Variants in MBD3 observed in about 807,000 individuals in gnomAD.
MBD3 encodes the protein methyl-CpG binding domain protein 3, also known as methyl-CpG-binding domain protein 3.
In MBD3, 13 loss-of-function variants were observed where a neutral mutation model predicts 31.2. The observed-to-expected ratio is 0.42, with a 90% CI of 0.27 to 0.66. The LOEUF (loss-of-function observed/expected upper bound fraction) is 0.66. Among genes scored for constraint, MBD3 ranks in the 30% least tolerant of loss-of-function variants. MBD3 has a pLI of 0.26. For synonymous variants in MBD3, 223 were observed against 187.4 expected, an observed-to-expected ratio of 1.19 and a Z score of -1.55; for missense variants, 440 against 426.5, an observed-to-expected ratio of 1.03 and a Z score of -0.28.
Position 1,582,687 on chromosome 19 carries a change from C to G in MBD3, c.434G>C (p.Gly145Ala). Residue 145 changes from glycine to alanine, a missense_variant, in exon 4 of 7, where the codon GGC (glycine) becomes GCC (alanine). By Grantham distance (60) the Gly-to-Ala change is moderately conservative. Coordinates refer to ENST00000434436, the MANE Select transcript of MBD3 (RefSeq NM_001281453.2). ...RQLFWEKKLS[G>A]LNAFDIAEEL... ...CTCAGCAATGTCGAAGGCGTTCAGG[C>G]CGCTCAGCTTCTTCTCCCAGAAGAG... 6.2e-7 allele frequency: 1 copy of G among 1,613,964 alleles called. No individual in the cohort carries two copies. Among genetic ancestry groups the G allele is most frequent in the Non-Finnish European group, 8.5e-7 (1 of 1,179,976 alleles).
intron 1 of MBD3, among the ~76,000 whole-genome samples, chr19:1,587,883 C>T (rs1272046910): frequency 1.3e-5 from 2 of 151,826 alleles, no homozygotes; most frequent in African/African-American, 4.8e-5. Flanking sequence ...CCCGTTTTCC[C>T]AGAATCCTCT....
At position 1,575,036 on chromosome 19, in the gene MBD3, G is replaced by C; in HGVS notation, c.*3128C>G. The C allele has an allele frequency of 2.8e-6, 1 of 361,526 alleles. No individual in the cohort carries two copies. Among genetic ancestry groups the C allele is most frequent in the Non-Finnish European group, 5.6e-6 (1 of 177,988 alleles). The allele number at this position is 361,526 out of a possible 1,614,324, so 22.4% of individuals were successfully genotyped here. ...CTGGGAGGTGCATCCTCGCCACGGG[G>C]GTCCTGAGCCTCTCCTCCCTGGTAC... On this transcript the variant is annotated 3_prime_UTR_variant, in exon 7 of 7. Coordinates refer to ENST00000434436, the MANE Select transcript of MBD3 (RefSeq NM_001281453.2).
Position 1,589,522 on chromosome 19 carries a change from G to A in MBD3, c.110+3000C>T, listed in dbSNP as rs1005277345. Among the ~76,000 whole-genome samples, 8 of 151,532 alleles carry A rather than the reference G, an allele frequency of 5.3e-5. No homozygotes were observed. The South Asian group carries it at 1.7e-3, about 32-fold the overall frequency. On this transcript the variant is annotated intron_variant, in intron 1 of 6. Coordinates refer to ENST00000434436, the MANE Select transcript of MBD3 (RefSeq NM_001281453.2). ...ATAAAAATTAGCTGGGGGTTGTGGT[G>A]GGGGCCTGTAATCCCAGCTACTCAG...
intron 5 of MBD3, among the ~76,000 whole-genome samples, chr19:1,580,685 G>A (rs1169913746): frequency 6.6e-6 from 1 of 152,182 alleles, no homozygotes; most frequent in Non-Finnish European, 1.5e-5. Context: ...CTGAGCGGCC[G>A]TGTTCCCTGC....
rs569490853 is a variant in MBD3, at chr19:1,584,935, C to T, written c.270+120G>A. 2.7e-5 allele frequency: 37 copies of T among 1,395,588 alleles called. 1 individual carries two copies. Among genetic ancestry groups the T allele is most frequent in the Middle Eastern group, 2.4e-4 (1 of 4,144 alleles). 86.5% of individuals were successfully genotyped at this position (1,395,588 alleles called of 1,614,324 possible). A position where few individuals can be genotyped will look rare whatever the true frequency, so the allele number is the denominator to read the frequency against. ...CCTGCGCCTTCCGCTCTGTGCCCTC[C>T]GCCCGCTGTGACCTCCTGCGCTCAG... On this transcript the variant is annotated intron_variant, in intron 2 of 6. Transcript: ENST00000434436.
At chr19:1,590,864 C>T (rs2060700336) in intron 1 of MBD3, among the ~76,000 whole-genome samples, 1 of 152,160 alleles carries the variant, frequency 6.6e-6, no homozygotes, top group Non-Finnish European at 1.5e-5. Flanking sequence ...GGCCCCAGAC[C>T]TGCAGAGGGC....
At chr19:1,579,452 C>T (rs1917297674) in intron 5 of MBD3, among the ~76,000 whole-genome samples, 1 of 152,136 alleles carries the variant, frequency 6.6e-6, no homozygotes, top group African/African-American at 2.4e-5. Flanking sequence ...CTGCCGCCTC[C>T]GGGGCCGCAG....
chr19:1,574,239 A>C lies in MBD3; in HGVS notation c.*3925T>G, dbSNP rs2145584288. ...CGTGAACCCAGGAGGCAGAGCTTGCAGTGAGCAGAGATCACACCATTGCAC... is the reference window on the plus strand; with the variant it reads ...CGTGAACCCAGGAGGCAGAGCTTGCCGTGAGCAGAGATCACACCATTGCAC... On this transcript the variant is annotated 3_prime_UTR_variant, in exon 7 of 7. Coordinates refer to ENST00000434436, the MANE Select transcript of MBD3 (RefSeq NM_001281453.2). 6.7e-6 allele frequency: 1 copy of C among 149,964 alleles called. No homozygotes were observed. Among genetic ancestry groups the C allele is most frequent in the Non-Finnish European group, 1.5e-5 (1 of 67,454 alleles). The allele number at this position is 149,964 out of a possible 1,614,324, so 9.3% of individuals were successfully genotyped here. A position where few individuals can be genotyped will look rare whatever the true frequency, so the allele number is the denominator to read the frequency against.
In MBD3 at chr19:1,584,748, C is replaced by T. The variant is rs1163774421; in HGVS notation, c.271-71G>A. The T allele has an allele frequency of 2.3e-5, 34 of 1,484,102 alleles. 1 individual carries two copies. Among genetic ancestry groups the T allele is most frequent in the Middle Eastern group, 2.1e-4 (1 of 4,712 alleles). 91.9% of individuals were successfully genotyped at this position (1,484,102 alleles called of 1,614,324 possible). A position where few individuals can be genotyped will look rare whatever the true frequency, so the allele number is the denominator to read the frequency against. Reference sequence around the variant, plus strand: ...GCGCGGAGCCTCAGGGGGTGCGGGGCCCGGGTGACCCCCTGCTTTGCCGGC... The same window carrying T: ...GCGCGGAGCCTCAGGGGGTGCGGGGTCCGGGTGACCCCCTGCTTTGCCGGC... On this transcript the variant is annotated intron_variant, in intron 2 of 6. Coordinates refer to ENST00000434436, the MANE Select transcript of MBD3 (RefSeq NM_001281453.2).
chr19:1,575,944 T>TC lies in MBD3; in HGVS notation c.*2219dup, dbSNP rs1916795715. ...AGAACCCCGGGATCAGAGGGACTGA[T>TC]CGGGGTCTGTCAGTGACAGGAAGCT... On this transcript the variant is annotated 3_prime_UTR_variant, in exon 7 of 7. Transcript: ENST00000434436. 6.6e-6 allele frequency: 1 copy of TC among 151,994 alleles called. No homozygotes were observed. The highest frequency in any genetic ancestry group is 1.5e-5 in the Non-Finnish European group (1 of 68,096). 9.4% of individuals were successfully genotyped at this position (151,994 alleles called of 1,614,324 possible).
intron 1 of MBD3, among the ~76,000 whole-genome samples, chr19:1,590,095 C>T (rs535308890): frequency 2.7e-5 from 4 of 149,724 alleles, no homozygotes; most frequent in Middle Eastern, 3.8e-3. Flanking sequence ...GTCAGGAGTT[C>T]GAGACCAGTC....
At chr19:1,592,232 A>G (rs1004421568) in intron 1 of MBD3, 6 of 153,932 alleles carry the variant, frequency 3.9e-5, no homozygotes, top group Non-Finnish European at 8.7e-5. Context: ...GCCCCCCGGT[A>G]GCATCTGGCC....
At chr19:1,580,787 C>T (rs576772206) in intron 5 of MBD3, among the ~76,000 whole-genome samples, 2 of 152,326 alleles carry the variant, frequency 1.3e-5, no homozygotes, top group Admixed American at 1.3e-4. Flanking sequence ...CCTGCCCTGT[C>T]CCTCCGTCTC....
intron 5 of MBD3, among the ~76,000 whole-genome samples, chr19:1,579,814 G>A (rs1917307886): frequency 6.6e-6 from 1 of 152,098 alleles, no homozygotes; most frequent in Admixed American, 6.6e-5. Context: ...TGTCACCCAG[G>A]TTGAATTGCA....
At position 1,592,507 on chromosome 19, in the gene MBD3, G is replaced by T; in HGVS notation, c.110+15C>A. On this transcript the variant is annotated intron_variant, in intron 1 of 6. Coordinates refer to ENST00000434436, the MANE Select transcript of MBD3 (RefSeq NM_001281453.2). ...GAGCCCGTTGAGGCCCTGCGCGGCC[G>T]GCGCGCTCATTCACCTATAGTAAAA... The T allele has an allele frequency of 7.3e-7, 1 of 1,368,184 alleles. No individual in the cohort carries two copies. The highest frequency in any genetic ancestry group is 9.7e-7 in the Non-Finnish European group (1 of 1,027,800). The allele number at this position is 1,368,184 out of a possible 1,614,324, so 84.8% of individuals were successfully genotyped here. A position where few individuals can be genotyped will look rare whatever the true frequency, so the allele number is the denominator to read the frequency against.
rs1206122978 is a variant in MBD3, at chr19:1,575,447, AGACATGGGCGGGGCTGG to A, written c.*2700_*2716del. On this transcript the variant is annotated 3_prime_UTR_variant, in exon 7 of 7. Transcript: ENST00000434436. ...AAAGTCCCAGAAGGTCTTGGGGCTG[AGACATGGGCGGGGCTGG>A]GGGCAGCCAAGTGGCCTTTGAGGAT... 3.2e-6 allele frequency: 1 copy of A among 311,082 alleles called. No individual in the cohort carries two copies. The highest frequency in any genetic ancestry group is 6.4e-6 in the Non-Finnish European group (1 of 155,736). The allele number at this position is 311,082 out of a possible 1,614,324, so 19.3% of individuals were successfully genotyped here. A position where few individuals can be genotyped will look rare whatever the true frequency, so the allele number is the denominator to read the frequency against.
rs1372191904 is a variant in MBD3, at chr19:1,585,082, C to T, written c.243G>A (p.Val81=). The change falls in exon 2 of 7, where the codon GTG becomes GTA. Residue 81 remains valine, a synonymous_variant. Transcript: ENST00000434436. The surrounding 1 kb of genome is among the most constrained non-coding windows in gnomAD (Gnocchi z 4.1). Reference sequence around the variant, plus strand: ...TGACCTGGTTGGAGGAGTCGTAGCGCACGCGCTGGCGGCTCTTGTTCATCT... The same window carrying T: ...TGACCTGGTTGGAGGAGTCGTAGCGTACGCGCTGGCGGCTCTTGTTCATCT... ...MSKMNKSRQR[V]RYDSSNQVKG... is the part of the protein sequence containing the mutation. 2 of 1,612,382 alleles carry T rather than the reference C, an allele frequency of 1.2e-6. No homozygotes were observed. The highest frequency in any genetic ancestry group is 2.7e-5 in the African/African-American group (2 of 74,910).
rs895834832 is a variant in MBD3 at position 1,578,653 on chromosome 19, C to A, written c.678-115G>T. ...GAGGCCCGAGGGATCCACAGGCACC[C>A]CCCCAGGACCAGCCCTGGCCCGTGC... On this transcript the variant is annotated intron_variant, in intron 5 of 6. Coordinates refer to ENST00000434436, the MANE Select transcript of MBD3 (RefSeq NM_001281453.2). The surrounding 1 kb of genome is among the most constrained non-coding windows in gnomAD (Gnocchi z 6.1). 5.0e-6 allele frequency: 8 copies of A among 1,588,146 alleles called. No individual in the cohort carries two copies. Among genetic ancestry groups the A allele is most frequent in the Admixed American group, 1.7e-5 (1 of 59,884 alleles).
chr19:1,579,944 G>C (rs1489461258), intron 5 of MBD3, among the ~76,000 whole-genome samples: 1 of 152,154 alleles, frequency 6.6e-6, no homozygotes, highest in Non-Finnish European at 1.5e-5. Flanking sequence ...TTTTAGTGGA[G>C]ACGGGGTTTC....
Sources: allele counts gnomAD v4.1 joint callset (sites outside exome capture counted in the v4.1 genomes callset), GRCh38; gene constraint gnomAD v4.1.1; non-coding constraint Gnocchi (gnomAD v3.1); transcripts MANE v1.5; gene names NCBI Gene and HGNC (gene_info 2026-07-23, HGNC 2026-07-21).